The following NTM variants were observed in gnomAD, a reference collection of about 807,000 sequenced individuals.
NTM encodes the protein neurotrimin.
NTM carries 13 observed loss-of-function variants against 42.1 expected under a neutral mutation model. The ratio of observed to expected loss-of-function variants is 0.31; its 90% CI spans 0.20 to 0.49. The LOEUF (loss-of-function observed/expected upper bound fraction) is 0.49. Among genes scored for constraint, NTM ranks in the 20% least tolerant of loss-of-function variants. The pLI, the probability that NTM is intolerant of heterozygous loss-of-function variation, is 0.99. For missense variants in NTM, 373 were observed against 452.8 expected (o/e 0.82, Z 1.60); for synonymous variants, 187 against 179.2 (o/e 1.04, Z -0.35).
chr11:131,957,799 T>C (rs1259369079), intron 2 of NTM, among the ~76,000 whole-genome samples: 1 of 152,118 alleles, frequency 6.6e-6, no homozygotes, highest in Non-Finnish European at 1.5e-5. Flanking sequence ...TTTATGTTAA[T>C]AGAGAGTCGT....
chr11:131,521,051 G>C (rs1447295490), intron 1 of NTM, among the ~76,000 whole-genome samples: 1 of 151,988 alleles, frequency 6.6e-6, no homozygotes, highest in African/African-American at 2.4e-5. Flanking sequence ...TTGGCCAGGC[G>C]TGGTGGCTCA....
intron 4 of NTM, among the ~76,000 whole-genome samples, chr11:132,221,584 C>T (rs565837154): frequency 3.3e-5 from 5 of 152,232 alleles, no homozygotes; most frequent in Middle Eastern, 3.4e-3. Flanking sequence ...TCACCTAGTT[C>T]ATGCCCCAGC....
At chr11:131,864,163 G>T (rs1311583097) in intron 1 of NTM, among the ~76,000 whole-genome samples, 1 of 152,166 alleles carries the variant, frequency 6.6e-6, no homozygotes, top group Non-Finnish European at 1.5e-5. Flanking sequence ...AATTTAGGAT[G>T]TTATATATCC....
intron 1 of NTM, among the ~76,000 whole-genome samples, chr11:131,392,603 G>A (rs954668684): frequency 3.3e-5 from 5 of 152,188 alleles, no homozygotes; most frequent in African/African-American, 1.2e-4. Context: ...TTCGCCTCCT[G>A]GAGCAGGTTG....
At chr11:131,409,608 C>G (rs1946157136) in intron 1 of NTM, among the ~76,000 whole-genome samples, 3 of 152,210 alleles carry the variant, frequency 2.0e-5, no homozygotes, top group Admixed American at 2.0e-4. Flanking sequence ...GAAGGTCGAG[C>G]AGGCCTCTGA....
intron 1 of NTM, among the ~76,000 whole-genome samples, chr11:131,591,935 C>T (rs913358605): frequency 5.3e-5 from 8 of 152,322 alleles, no homozygotes; most frequent in African/African-American, 1.9e-4. Context: ...GTAAGAACTA[C>T]TCAGTTGTTG....
intron 1 of NTM, among the ~76,000 whole-genome samples, chr11:131,473,306 C>A (rs1409425293): frequency 2.6e-5 from 4 of 152,110 alleles, no homozygotes; most frequent in African/African-American, 9.7e-5. Context: ...AAACACAAAT[C>A]TCCCATGCTT....
intron 2 of NTM, among the ~76,000 whole-genome samples, chr11:132,052,670 G>A (rs1254780928): frequency 6.6e-6 from 1 of 152,128 alleles, no homozygotes; most frequent in African/African-American, 2.4e-5. Context: ...TGAAGGGAAT[G>A]TTATTTGATT....
intron 1 of NTM, among the ~76,000 whole-genome samples, chr11:131,821,309 A>C (rs2093177217): frequency 6.6e-6 from 1 of 152,130 alleles, no homozygotes; most frequent in Non-Finnish European, 1.5e-5. Context: ...GGCAGGTGAG[A>C]TCCTTAGTCA....
At chr11:132,262,259 C>G (rs1291539744) in intron 4 of NTM, among the ~76,000 whole-genome samples, 1 of 152,202 alleles carries the variant, frequency 6.6e-6, no homozygotes, top group Non-Finnish European at 1.5e-5. Flanking sequence ...GCAAACCAAC[C>G]ACCTACCAAG....
intron 2 of NTM, among the ~76,000 whole-genome samples, chr11:131,990,208 G>T (rs1475258000): frequency 6.6e-6 from 1 of 152,028 alleles, no homozygotes; most frequent in Non-Finnish European, 1.5e-5. Context: ...GAAAATTCTA[G>T]ATTTGAACTG....
intron 1 of NTM, among the ~76,000 whole-genome samples, chr11:131,486,678 T>C (rs1457353176): frequency 1.3e-5 from 2 of 152,216 alleles, no homozygotes; most frequent in Non-Finnish European, 2.9e-5. Flanking sequence ...CTGGATTATC[T>C]CATGGTCAAG....
intron 1 of NTM, among the ~76,000 whole-genome samples, chr11:131,579,548 G>A (rs990976853): frequency 1.3e-5 from 2 of 152,188 alleles, no homozygotes; most frequent in African/African-American, 2.4e-5. Context: ...ACAAAATAGA[G>A]CTTTTAATGT....
chr11:132,248,333 C>G (rs1277224155), intron 4 of NTM, among the ~76,000 whole-genome samples: 1 of 152,174 alleles, frequency 6.6e-6, no homozygotes, highest in Non-Finnish European at 1.5e-5. Context: ...CTTCCTCTCT[C>G]TCTTTTATTT....
chr11:132,043,227 C>A (rs1381540278), intron 2 of NTM, among the ~76,000 whole-genome samples: 1 of 152,214 alleles, frequency 6.6e-6, no homozygotes, highest in African/African-American at 2.4e-5. Context: ...TTTCTGCAAG[C>A]TCCTACATGG....
intron 2 of NTM, among the ~76,000 whole-genome samples, chr11:131,992,920 C>T (rs2135139845): frequency 6.6e-6 from 1 of 152,158 alleles, no homozygotes; most frequent in South Asian, 2.1e-4. Context: ...TATAAATGGT[C>T]CCAAATGCCA....
chr11:131,649,173 C>T (rs569856837), intron 1 of NTM, among the ~76,000 whole-genome samples: 8 of 152,322 alleles, frequency 5.3e-5, no homozygotes, highest in African/African-American at 1.9e-4. Context: ...TCAAGTGACA[C>T]CTTTCCCCAG....
chr11:132,025,251 T>C (rs894999875), intron 2 of NTM, among the ~76,000 whole-genome samples: 42 of 152,170 alleles, frequency 2.8e-4, no homozygotes, highest in African/African-American at 1.0e-3. Context: ...GTAAGGGAAA[T>C]TGGAGAAAGA....
intron 1 of NTM, among the ~76,000 whole-genome samples, chr11:131,441,334 C>T (rs76808311): frequency 0.044 from 6,653 of 152,208 alleles, 218 homozygotes; most frequent in African/African-American, 0.086. Context: ...TTCCTAACTA[C>T]GGAAAGAAGA....
Sources: gnomAD v4.1 joint callset for allele counts (sites outside exome capture counted in the v4.1 genomes callset) on GRCh38, gnomAD v4.1.1 for gene constraint, MANE v1.5 for transcripts, NCBI Gene and HGNC (gene_info 2026-07-23, HGNC 2026-07-21) for gene names.